PCDHGA8: variants seen among roughly 807,000 people sequenced by gnomAD.
The protein encoded by PCDHGA8 is protocadherin gamma-A8.
A neutral mutation model predicts 59.2 loss-of-function variants in PCDHGA8; 45 were observed. That is an observed-to-expected ratio of 0.76 (90% CI 0.60 to 0.98). The LOEUF is 0.98. Among genes scored for constraint, PCDHGA8 ranks in the 50% least tolerant of loss-of-function variants. The pLI is 0.00. For synonymous variants in PCDHGA8, 531 were observed against 519.0 expected (o/e 1.02, Z -0.32); for missense variants, 1,257 against 1,196.2 (o/e 1.05, Z -0.75).
intron 1 of PCDHGA8, among the ~76,000 whole-genome samples, chr5:141,462,678 T>G (rs923728894): frequency 1.3e-5 from 2 of 152,210 alleles, no homozygotes; most frequent in South Asian, 4.1e-4. Flanking sequence ...TTCTTTAAAT[T>G]TTTGAGCACA....
At chr5:141,462,019 C>T (rs1276421563) in intron 1 of PCDHGA8, among the ~76,000 whole-genome samples, 6 of 152,178 alleles carry the variant, frequency 3.9e-5, no homozygotes, top group Non-Finnish European at 8.8e-5. Flanking sequence ...GACGGGGTTT[C>T]TTCATGTTGG....
intron 1 of PCDHGA8, chr5:141,405,001 C>A: frequency 1.9e-6 from 3 of 1,614,008 alleles, no homozygotes; most frequent in Non-Finnish European, 2.5e-6. Flanking sequence ...TCCCTGCAGA[C>A]CTGGAGGCCT....
intron 1 of PCDHGA8, among the ~76,000 whole-genome samples, chr5:141,439,139 G>T (rs2098090438): frequency 6.6e-6 from 1 of 150,672 alleles, no homozygotes; most frequent in South Asian, 2.1e-4. Flanking sequence ...GTTGCAGTGA[G>T]CTGAGATCAC....
chr5:141,483,436 C>T, intron 1 of PCDHGA8, among the ~76,000 whole-genome samples: 1 of 152,198 alleles, frequency 6.6e-6, no homozygotes, highest in Non-Finnish European at 1.5e-5. Context: ...GAGCTGACTA[C>T]AATAAAATCA....
chr5:141,478,744 T>C, intron 1 of PCDHGA8: 1 of 1,528,172 alleles, frequency 6.5e-7, no homozygotes, highest in Non-Finnish European at 8.8e-7. Flanking sequence ...TGTGGTCCCA[T>C]TTCAGGGGGA....
At position 141,499,506 on chromosome 5, in the gene PCDHGA8, CA is replaced by C. The variant is rs759983739; in HGVS notation, c.2483+4644del. Among the ~76,000 whole-genome samples, 6 of 152,086 alleles carry C rather than the reference CA, an allele frequency of 3.9e-5. No homozygotes were observed. The South Asian group carries it at 1.0e-3, about 26-fold the overall frequency. On this transcript the variant is annotated intron_variant, in intron 2 of 3. Coordinates refer to ENST00000398604, the MANE Select transcript of PCDHGA8 (RefSeq NM_032088.2). Reference sequence around the variant, plus strand: ...AACTACAGTTTAATATGAAACATTTCAAATATGTACAAAAGTAGAGAGAATG... The same window carrying C: ...AACTACAGTTTAATATGAAACATTTCAATATGTACAAAAGTAGAGAGAATG...
At chr5:141,410,858 T>A in intron 1 of PCDHGA8, 1 of 436,188 alleles carries the variant, frequency 2.3e-6, no homozygotes, top group Non-Finnish European at 3.8e-6. Context: ...TCTTTTTTTT[T>A]TTTTTTTTTT....
intron 1 of PCDHGA8, chr5:141,419,197 T>C (rs560134083): frequency 1.2e-6 from 2 of 1,613,966 alleles, no homozygotes; most frequent in South Asian, 1.1e-5. Flanking sequence ...CTGACGTCAA[T>C]GACAACGCGC....
Position 141,476,144 on chromosome 5 carries a change from C to T in PCDHGA8, c.2425-18663C>T. ...GGTCCCAGAGGCCTGGAGGAGCGGA[C>T]TGGTAAGCACCGGGAGGGTAGTGGG... is the stretch of plus-strand genomic sequence containing the variant. On this transcript the variant is annotated intron_variant, in intron 1 of 3. Transcript: ENST00000398604. This position sits in a 1 kb window ranked among gnomAD's most constrained non-coding sequence, Gnocchi z 7.6. 6.2e-7 allele frequency: 1 copy of T among 1,610,510 alleles called. No individual in the cohort carries two copies. The highest frequency in any genetic ancestry group is 1.3e-5 in the African/African-American group (1 of 75,014).
Position 141,393,748 on chromosome 5 carries a change from G to A in PCDHGA8, c.935G>A (p.Cys312Tyr), listed in dbSNP as rs368249829. ...GCAAAAAGTCTAGATTATGAAGAAT[G>A]TTCATTTTATGAAATGGAAATACAA... ...SIAKSLDYEE[C>Y]SFYEMEIQAE... Residue 312 changes from cysteine to tyrosine, a missense_variant, in exon 1 of 4, where the codon TGT becomes TAT. By Grantham distance (194) the Cys-to-Tyr change is radical. Transcript: ENST00000398604. The A allele has an allele frequency of 1.2e-6, 2 of 1,613,866 alleles. No individual in the cohort carries two copies. The highest frequency in any genetic ancestry group is 8.5e-7 in the Non-Finnish European group (1 of 1,179,882).
intron 1 of PCDHGA8, among the ~76,000 whole-genome samples, chr5:141,439,406 C>T (rs2098110611): frequency 6.6e-6 from 1 of 152,190 alleles, no homozygotes; most frequent in Non-Finnish European, 1.5e-5. Flanking sequence ...CATGTGCTAA[C>T]ATCACTGAGG....
chr5:141,444,551 G>A (rs758187608), intron 1 of PCDHGA8, among the ~76,000 whole-genome samples: 1 of 152,022 alleles, frequency 6.6e-6, no homozygotes, highest in Non-Finnish European at 1.5e-5. Context: ...TGAGCAAAAG[G>A]CACTTATTTG....
chr5:141,419,769 CGGT>C, intron 1 of PCDHGA8: 1 of 1,614,006 alleles, frequency 6.2e-7, no homozygotes, highest in Non-Finnish European at 8.5e-7. Context: ...GACAAGGACT[CGGT>C]CCGCCAGCGC....
intron 1 of PCDHGA8, chr5:141,423,577 G>A (rs1348410879): frequency 6.2e-7 from 1 of 1,613,478 alleles, no homozygotes; most frequent in Non-Finnish European, 8.5e-7. Context: ...CATCAGCCAG[G>A]AGAGCTGTGA....
chr5:141,394,795 C>T lies in PCDHGA8; in HGVS notation c.1982C>T (p.Thr661Ile), dbSNP rs543209610. 6.2e-7 allele frequency: 1 copy of T among 1,613,676 alleles called. No homozygotes were observed. The highest frequency in any genetic ancestry group is 8.5e-7 in the Non-Finnish European group (1 of 1,180,022). The change falls in exon 1 of 4, where the codon ACC becomes ATC. Residue 661 changes from threonine to isoleucine, a missense_variant. Physicochemically the swap from Thr to Ile is moderately conservative, Grantham distance 89 (BLOSUM62 -1). Transcript: ENST00000398604. ...QPPLSATVTL[T>I]VAVADSIPEV... ...CCTCTCTCCGCCACTGTCACGCTCA[C>T]CGTAGCCGTGGCTGACAGCATCCCC...
rs188283892 is a variant in PCDHGA8, at chr5:141,394,450, T to C, written c.1637T>C (p.Met546Thr). ...GGGGACCCGCCCCTCAGCAGCAACA[T>C]GTCACTGAGCCTGTTCGTGCTGGAC... The part of the protein sequence containing the change: ...DSGDPPLSSN[M>T]SLSLFVLDQN... The change falls in exon 1 of 4, where the codon ATG becomes ACG. Residue 546 changes from methionine to threonine, a missense_variant. Coordinates refer to ENST00000398604, the MANE Select transcript of PCDHGA8 (RefSeq NM_032088.2). 12 of 1,614,228 alleles carry C rather than the reference T, an allele frequency of 7.4e-6. No individual in the cohort carries two copies. In the South Asian group the frequency reaches 1.3e-4, roughly 18 times the overall value.
intron 1 of PCDHGA8, chr5:141,427,617 G>C (rs1295636754): frequency 1.4e-6 from 1 of 694,694 alleles, no homozygotes. Context: ...TGAAGTCAAC[G>C]ACAATGCTCC....
At position 141,399,541 on chromosome 5, in the gene PCDHGA8, G is replaced by T. The variant is rs1301909841; in HGVS notation, c.2424+4304G>T. Reference sequence around the variant, plus strand: ...TGGGGCCTCCATCGCGCAAGTCTGCGCCTCGGACCTGGACTTGGGGTTGAA... The same window carrying T: ...TGGGGCCTCCATCGCGCAAGTCTGCTCCTCGGACCTGGACTTGGGGTTGAA... On this transcript the variant is annotated intron_variant, in intron 1 of 3. Transcript: ENST00000398604. 1.9e-6 allele frequency: 3 copies of T among 1,613,926 alleles called. No individual in the cohort carries two copies. In the Admixed American group the frequency reaches 5.0e-5, roughly 27 times the overall value.
intron 1 of PCDHGA8, chr5:141,409,594 C>G: frequency 1.2e-6 from 2 of 1,613,900 alleles, no homozygotes; most frequent in Non-Finnish European, 1.7e-6. Flanking sequence ...TGGCCGAGAA[C>G]AACCCGCCAG....
Sources: allele counts gnomAD v4.1 joint callset (sites outside exome capture counted in the v4.1 genomes callset), GRCh38; gene constraint gnomAD v4.1.1; non-coding constraint Gnocchi (gnomAD v3.1); transcripts MANE v1.5; gene names NCBI Gene and HGNC (gene_info 2026-07-23, HGNC 2026-07-21).